Variants in MYBL1 observed in about 807,000 individuals in gnomAD.
MYBL1 encodes MYB proto-oncogene like 1, also known as myb-related protein A.
Under a neutral mutation model 96.3 loss-of-function variants are expected in MYBL1, and 17 were observed. The ratio of observed to expected loss-of-function variants is 0.18; its 90% CI spans 0.12 to 0.26. The LOEUF (loss-of-function observed/expected upper bound fraction) is 0.26, where lower values mean the gene tolerates loss of function less well. Ranked by LOEUF, MYBL1 falls within the 10% of genes least tolerant of loss-of-function variation. The pLI is 1.00. For synonymous variants in MYBL1, 282 were observed against 292.7 expected, an observed-to-expected ratio of 0.96 and a Z score of 0.37; for missense variants, 701 against 882.9, an observed-to-expected ratio of 0.79 and a Z score of 2.61.
chr8:66,583,737 G>C (rs1447981981), intron 8 of MYBL1, among the ~76,000 whole-genome samples: 1 of 152,110 alleles, frequency 6.6e-6, no homozygotes, highest in East Asian at 1.9e-4. Flanking sequence ...CTTCTGGATA[G>C]ATATAACCTA....
intron 9 of MYBL1, among the ~76,000 whole-genome samples, chr8:66,578,585 G>T: frequency 6.6e-6 from 1 of 151,806 alleles, no homozygotes; most frequent in Non-Finnish European, 1.5e-5. Context: ...GAAACAACAG[G>T]TGCTGGAGAG....
chr8:66,601,823 C>A (rs112295562), intron 2 of MYBL1, 54 bp from the exon 3 acceptor site: 4 of 852,536 alleles, frequency 4.7e-6, no homozygotes, highest in South Asian at 1.7e-5. Flanking sequence ...TTTCCTCTAC[C>A]CCTAAATATA....
intron 4 of MYBL1, among the ~76,000 whole-genome samples, chr8:66,598,672 C>T (rs535656653): frequency 3.9e-5 from 6 of 152,178 alleles, no homozygotes; most frequent in Admixed American, 2.6e-4. Context: ...GAATGACTTC[C>T]GTGCATATCA....
chr8:66,589,098 A>G (rs893129615), intron 8 of MYBL1, among the ~76,000 whole-genome samples: 2 of 152,214 alleles, frequency 1.3e-5, no homozygotes, highest in Non-Finnish European at 2.9e-5. Context: ...AGATTTCAGA[A>G]TATACACTTA....
At chr8:66,583,677 A>G (rs570222234) in intron 8 of MYBL1, among the ~76,000 whole-genome samples, 1 of 152,204 alleles carries the variant, frequency 6.6e-6, no homozygotes, top group Non-Finnish European at 1.5e-5. Context: ...ATTAGAGGTT[A>G]TCATGAATAA....
At chr8:66,584,736 T>TACACCAACA (rs1367047433) in intron 8 of MYBL1, among the ~76,000 whole-genome samples, 1 of 151,970 alleles carries the variant, frequency 6.6e-6, no homozygotes, top group African/African-American at 2.4e-5. Flanking sequence ...AGTGTTTCTA[T>TACACCAACA]ACACCAACAA....
At chr8:66,609,662 A>C (rs181383058) in intron 1 of MYBL1, among the ~76,000 whole-genome samples, 21 of 152,174 alleles carry the variant, frequency 1.4e-4, no homozygotes, top group African/African-American at 4.8e-4. Flanking sequence ...GGAGAGTTCT[A>C]CCTAGTAATT....
intron 3 of MYBL1, among the ~76,000 whole-genome samples, chr8:66,600,753 A>G (rs1455436341): frequency 6.6e-6 from 1 of 152,220 alleles, no homozygotes; most frequent in East Asian, 1.9e-4. Context: ...TTATGTTGAA[A>G]GTCATATGAC....
At chr8:66,581,497 C>T (rs1446274659) in intron 8 of MYBL1, among the ~76,000 whole-genome samples, 2 of 151,828 alleles carry the variant, frequency 1.3e-5, no homozygotes, top group African/African-American at 2.4e-5. Flanking sequence ...GCCAACATAA[C>T]GAAACCCCAT....
Position 66,612,858 on chromosome 8 carries a change from A to C in MYBL1, c.-20T>G, listed in dbSNP as rs1302453996. The C allele has an allele frequency of 1.5e-6, 2 of 1,359,848 alleles. No homozygotes were observed. Among genetic ancestry groups the C allele is most frequent in the Non-Finnish European group, 1.9e-6 (2 of 1,045,852 alleles). The allele number at this position is 1,359,848 out of a possible 1,614,324, so 84.2% of individuals were successfully genotyped here. A position where few individuals can be genotyped will look rare whatever the true frequency, so the allele number is the denominator to read the frequency against. ...CGCCATCCTTCAAGTACCGCATAGG[A>C]GCAGGCTGGGCGGGGACGCGGGTCA... On this transcript the variant is annotated 5_prime_UTR_variant, in exon 1 of 16. Transcript: ENST00000522677.
At chr8:66,569,154 C>G (rs552662509) in intron 12 of MYBL1, among the ~76,000 whole-genome samples, 48 of 152,134 alleles carry the variant, frequency 3.2e-4, no homozygotes, top group African/African-American at 1.2e-3. Context: ...CCTCTCTATA[C>G]GTCCACATGT....
intron 3 of MYBL1, among the ~76,000 whole-genome samples, chr8:66,600,909 G>T (rs755405453): frequency 6.6e-6 from 1 of 151,950 alleles, no homozygotes; most frequent in African/African-American, 2.4e-5. Flanking sequence ...GGTAACTCAC[G>T]CCTGTAATCC....
At chr8:66,598,473 C>G (rs1809938235) in intron 4 of MYBL1, among the ~76,000 whole-genome samples, 1 of 152,166 alleles carries the variant, frequency 6.6e-6, no homozygotes, top group Non-Finnish European at 1.5e-5. Context: ...TGCTCTAATT[C>G]CTCAACTGCA....
At position 66,576,104 on chromosome 8, in the gene MYBL1, G is replaced by A. The variant is rs767661399; in HGVS notation, c.1373C>T (p.Ser458Phe). The A allele has an allele frequency of 2.5e-6, 4 of 1,613,954 alleles. No homozygotes were observed. The highest frequency in any genetic ancestry group is 1.6e-4 in the Middle Eastern group (1 of 6,062). Residue 458 changes from serine (S) to phenylalanine (F), a missense_variant, in exon 10 of 16, where the codon TCC becomes TTC. Ser to Phe is a radical substitution (Grantham distance 155). Around this residue, in one of 5 missense-constraint regions of MYBL1, gnomAD observed 396 missense variants for 407.4 expected, o/e 0.97. Transcript: ENST00000522677. Reference sequence around the variant, plus strand: ...GCCATCCCTAAGTTCGCTGCCTGGGGAATGACCCACTCGCATTTTTCTCTT... The same window carrying A: ...GCCATCCCTAAGTTCGCTGCCTGGGAAATGACCCACTCGCATTTTTCTCTT... ...RKKRKMRVGH[S>F]PGSELRDGSL... is the part of the protein sequence containing the mutation.
chr8:66,590,148 T>C (rs1490782523), intron 8 of MYBL1, among the ~76,000 whole-genome samples: 1 of 152,136 alleles, frequency 6.6e-6, no homozygotes, highest in East Asian at 1.9e-4. Flanking sequence ...AATCAATAAA[T>C]ATCATTTTTA....
At chr8:66,593,549 T>G (rs1472179632) in intron 6 of MYBL1, among the ~76,000 whole-genome samples, 1 of 152,218 alleles carries the variant, frequency 6.6e-6, no homozygotes. Context: ...AACAAAGTAA[T>G]TGTGTTCCTA....
At chr8:66,565,125 C>A in intron 15 of MYBL1, 1 of 165,726 alleles carries the variant, frequency 6.0e-6, no homozygotes, top group Non-Finnish European at 1.3e-5. Flanking sequence ...TGAGTCTTAA[C>A]ATGGAAATAA....
At chr8:66,606,982 G>A (rs941451283) in intron 1 of MYBL1, among the ~76,000 whole-genome samples, 49 of 151,882 alleles carry the variant, frequency 3.2e-4, no homozygotes, top group African/African-American at 1.1e-3. Context: ...TCGTAGAGAC[G>A]GGGTTTCAGC....
chr8:66,607,071 G>A (rs1301742389), intron 1 of MYBL1, among the ~76,000 whole-genome samples: 1 of 151,158 alleles, frequency 6.6e-6, no homozygotes, highest in Non-Finnish European at 1.5e-5. Context: ...GGGATTACAG[G>A]TTTGAGCAAC....
Sources: allele counts gnomAD v4.1 joint callset (sites outside exome capture counted in the v4.1 genomes callset), GRCh38; gene constraint gnomAD v4.1.1; regional missense constraint gnomAD v4.1.1; transcripts MANE v1.5; gene names NCBI Gene and HGNC (gene_info 2026-07-23, HGNC 2026-07-21).